TTC28: variants seen among roughly 807,000 people sequenced by gnomAD.
TTC28 encodes the protein tetratricopeptide repeat protein 28.
TTC28 carries 61 observed loss-of-function variants against 198.0 expected under a neutral mutation model. That is an observed-to-expected ratio of 0.31 (90% confidence interval 0.25 to 0.38). The LOEUF (loss-of-function observed/expected upper bound fraction) is 0.38. Ranked by LOEUF, TTC28 falls within the 10% of genes least tolerant of loss-of-function variation. The pLI is 1.00. For missense variants in TTC28, 2,678 were observed against 3,164.0 expected, an observed-to-expected ratio of 0.85 and a Z score of 3.69; for synonymous variants, 1,171 against 1,297.8, an observed-to-expected ratio of 0.90 and a Z score of 2.10.
At chr22:28,484,107 GTTTAT>G (rs1298679391) in intron 2 of TTC28, among the ~76,000 whole-genome samples, 4 of 151,876 alleles carry the variant, frequency 2.6e-5, no homozygotes, top group African/African-American at 9.7e-5. Flanking sequence ...TTGGGGGTTT[GTTTAT>G]TTTGTTTTTG....
chr22:28,105,974 C>T (rs1942286884), intron 7 of TTC28, among the ~76,000 whole-genome samples, 172 bp from the exon 8 acceptor site: 1 of 152,212 alleles, frequency 6.6e-6, no homozygotes, highest in Admixed American at 6.5e-5. Context: ...AGAGGAATTT[C>T]ATAATCTGGA....
chr22:28,324,415 C>T (rs1376362578), intron 2 of TTC28, among the ~76,000 whole-genome samples: 1 of 125,234 alleles, frequency 8.0e-6, no homozygotes, highest in Non-Finnish European at 1.6e-5. Context: ...GATACCAAAA[C>T]CTGGGAGAGA....
chr22:28,114,374 T>C (rs759198506), intron 6 of TTC28, among the ~76,000 whole-genome samples: 4 of 152,266 alleles, frequency 2.6e-5, no homozygotes, highest in Middle Eastern at 3.4e-3. Flanking sequence ...ACTTAAAATA[T>C]TGCAAAGCTG....
chr22:28,334,022 C>T lies in TTC28; in HGVS notation c.382-27379G>A, dbSNP rs1013074887. 4.8e-5 allele frequency among the ~76,000 whole-genome samples: 6 copies of T among 126,198 alleles called. No homozygotes were observed. The South Asian group carries it at 1.7e-3, about 36-fold the overall frequency. 82.8% of individuals were successfully genotyped at this position (126,198 alleles called of 152,430 possible). ...CACCCTCCCCCCACCCCACAACAGA[C>T]CCCAGTGTGTGATGTTCCCCTTTCT... On this transcript the variant is annotated intron_variant, in intron 2 of 22. Transcript: ENST00000397906.
chr22:28,615,350 TGG>T (rs1373103126), intron 2 of TTC28, among the ~76,000 whole-genome samples: 1 of 152,228 alleles, frequency 6.6e-6, no homozygotes, highest in African/African-American at 2.4e-5. Context: ...ACACTGTTGG[TGG>T]GCTGTAAACT....
chr22:28,594,831 G>A lies in TTC28; in HGVS notation c.381+34721C>T, dbSNP rs528853501. On this transcript the variant is annotated intron_variant, in intron 2 of 22. Transcript: ENST00000397906. ...CCGATAAATAAGAAGGAAAGTCTCT[G>A]CATGTTAAATTGCCACTAATCACTA... Among the ~76,000 whole-genome samples the A allele has an allele frequency of 1.1e-4, 17 of 152,296 alleles. 1 individual carries two copies. The highest frequency in any genetic ancestry group is 3.8e-4 in the African/African-American group (16 of 41,564).
rs1173588929 is a variant in TTC28, at chr22:28,107,554, T to G, written c.2291A>C (p.Tyr764Ser). 13 of 1,551,860 alleles carry G rather than the reference T, an allele frequency of 8.4e-6. No homozygotes were observed. The highest frequency in any genetic ancestry group is 1.1e-5 in the Non-Finnish European group (13 of 1,147,038). Residue 764 changes from tyrosine (Y) to serine (S), a missense_variant, in exon 7 of 23, where the codon TAC (tyrosine) becomes TCC (serine). Around this residue, in one of 8 missense-constraint regions of TTC28, gnomAD observed 775 missense variants for 845.9 expected, o/e 0.92. Transcript: ENST00000397906. ...ASAYAALGTA[Y>S]RMIQKYDKAL... ...CTTGTCATACTTCTGGATCATTCGG[T>G]ATGCAGTGCCCAGGGCTGCATATGC...
intron 2 of TTC28, among the ~76,000 whole-genome samples, chr22:28,333,232 T>C (rs2045644877): frequency 6.6e-6 from 1 of 152,110 alleles, no homozygotes; most frequent in African/African-American, 2.4e-5. Context: ...ACTGGACAAA[T>C]GTTAACAACT....
rs117400751 is a variant in TTC28, at chr22:28,364,764, A to G, written c.382-58121T>C. Among the ~76,000 whole-genome samples, 380 of 152,368 alleles carry G rather than the reference A, an allele frequency of 2.5e-3. 3 individuals are homozygous for G. Among genetic ancestry groups the G allele is most frequent in the East Asian group, 0.013 (68 of 5,192 alleles). On this transcript the variant is annotated intron_variant, in intron 2 of 22. Coordinates refer to ENST00000397906, the MANE Select transcript of TTC28 (RefSeq NM_001145418.2). Reference sequence around the variant, plus strand: ...AGTGGAACACAGTGAAGATGTGACTAAATTGCTGCAATCTCATGATAAAGC... The same window carrying G: ...AGTGGAACACAGTGAAGATGTGACTGAATTGCTGCAATCTCATGATAAAGC...
At chr22:28,332,514 T>C (rs535458211) in intron 2 of TTC28, among the ~76,000 whole-genome samples, 11 of 152,184 alleles carry the variant, frequency 7.2e-5, no homozygotes, top group African/African-American at 2.6e-4. Context: ...ATATTATTAA[T>C]GGCAAATGTT....
At position 27,982,403 on chromosome 22, in the gene TTC28, C is replaced by G; in HGVS notation, c.7264G>C (p.Asp2422His). Residue 2422 changes from aspartate (D) to histidine (H), a missense_variant, in exon 23 of 23, where the codon GAC (aspartate) becomes CAC (histidine). Physicochemically the swap from Asp to His is moderately conservative, Grantham distance 81. Around this residue, in one of 8 missense-constraint regions of TTC28, gnomAD observed 622 missense variants for 656.0 expected, o/e 0.95. Coordinates refer to ENST00000397906, the MANE Select transcript of TTC28 (RefSeq NM_001145418.2). The surrounding 1 kb of genome is among the most constrained non-coding windows in gnomAD (Gnocchi z 5.2). ...ELKELSLQQHDGAPPKAPPNG... is the reference protein window; with the variant it reads ...ELKELSLQQHHGAPPKAPPNG... ...GGAGGGGCTTTCGGTGGAGCTCCGT[C>G]ATGCTGCTGCAGGGACAGCTCCTTC... The G allele has an allele frequency of 6.4e-7, 1 of 1,551,436 alleles. No homozygotes were observed. Among genetic ancestry groups the G allele is most frequent in the South Asian group, 1.2e-5 (1 of 84,044 alleles).
chr22:28,578,640 G>T (rs2050186113), intron 2 of TTC28, among the ~76,000 whole-genome samples: 1 of 152,062 alleles, frequency 6.6e-6, no homozygotes, highest in African/African-American at 2.4e-5. Flanking sequence ...AAGGAAAAAG[G>T]TACTGAAGAG....
chr22:28,058,736 T>C (rs1198874066), intron 12 of TTC28, among the ~76,000 whole-genome samples: 2 of 152,100 alleles, frequency 1.3e-5, no homozygotes, highest in African/African-American at 2.4e-5. Flanking sequence ...TGAAATCATC[T>C]AAACTTTGAG....
intron 6 of TTC28, among the ~76,000 whole-genome samples, chr22:28,147,813 G>C (rs921462324): frequency 6.6e-6 from 1 of 152,150 alleles, no homozygotes; most frequent in Non-Finnish European, 1.5e-5. Context: ...TTATTATTGT[G>C]ACTTCTAAGC....
chr22:28,139,011 G>T (rs1480793587), intron 6 of TTC28, among the ~76,000 whole-genome samples: 1 of 151,420 alleles, frequency 6.6e-6, no homozygotes, highest in African/African-American at 2.4e-5. Flanking sequence ...TATTAGGATT[G>T]TATCTTGATT....
At chr22:28,302,731 G>A (rs934776060) in intron 3 of TTC28, among the ~76,000 whole-genome samples, 2 of 152,076 alleles carry the variant, frequency 1.3e-5, no homozygotes, top group Non-Finnish European at 2.9e-5. Context: ...CTGGTGTGCA[G>A]GGACACGATC....
intron 2 of TTC28, among the ~76,000 whole-genome samples, chr22:28,601,577 G>T (rs1341724105): frequency 6.6e-6 from 1 of 152,072 alleles, no homozygotes; most frequent in Non-Finnish European, 1.5e-5. Context: ...TAGCTTATAT[G>T]CAAATACTAC....
intron 2 of TTC28, among the ~76,000 whole-genome samples, chr22:28,499,430 A>G (rs2048504341): frequency 6.6e-6 from 1 of 152,168 alleles, no homozygotes; most frequent in Non-Finnish European, 1.5e-5. Flanking sequence ...AAAGTTTGCT[A>G]CCTTTCTCAG....
chr22:28,369,632 C>CTTAAAAAGAAATG (rs1357698192), intron 2 of TTC28, among the ~76,000 whole-genome samples: 3 of 152,124 alleles, frequency 2.0e-5, no homozygotes, highest in African/African-American at 7.2e-5. Context: ...CTTTCATCAC[C>CTTAAAAAGAAATG]TTAAAAAGAA....
Sources: allele counts gnomAD v4.1 joint callset (sites outside exome capture counted in the v4.1 genomes callset), GRCh38; gene constraint gnomAD v4.1.1; regional missense constraint gnomAD v4.1.1; non-coding constraint Gnocchi (gnomAD v3.1); transcripts MANE v1.5; gene names NCBI Gene and HGNC (gene_info 2026-07-23, HGNC 2026-07-21).